The following OSBPL10 variants were observed in gnomAD, a reference collection of about 807,000 sequenced individuals.
OSBPL10 encodes oxysterol-binding protein-related protein 10.
Under a neutral mutation model 81.7 loss-of-function variants are expected in OSBPL10, and 49 were observed. The ratio of observed to expected loss-of-function variants is 0.60; its 90% CI spans 0.48 to 0.76. The LOEUF is 0.76. OSBPL10 is among the 30% of genes least tolerant of loss of function. The pLI is 0.00. For synonymous variants in OSBPL10, 419 were observed against 383.6 expected (o/e 1.09, Z -1.08); for missense variants, 923 against 987.8 (o/e 0.93, Z 0.88).
intron 4 of OSBPL10, among the ~76,000 whole-genome samples, chr3:31,803,689 C>T (rs574931709): frequency 6.6e-6 from 1 of 152,186 alleles, no homozygotes; most frequent in African/African-American, 2.4e-5. Context: ...TTTTCTGGTC[C>T]AAGATCCAAA....
At chr3:31,931,008 C>T (rs1357068549) in intron 1 of OSBPL10, among the ~76,000 whole-genome samples, 3 of 95,198 alleles carry the variant, frequency 3.2e-5, no homozygotes, top group African/African-American at 4.7e-5. Context: ...GAGCAAGACT[C>T]GGTCTCAAAA....
chr3:31,867,350 GA>G (rs199991004), intron 3 of OSBPL10, among the ~76,000 whole-genome samples: 7 of 151,458 alleles, frequency 4.6e-5, no homozygotes, highest in South Asian at 2.1e-4. Context: ...TCCATAGATG[GA>G]AAAAAAAAGT....
chr3:31,733,169 G>C, intron 6 of OSBPL10, 88 bp downstream of exon 6: 1 of 1,536,340 alleles, frequency 6.5e-7, no homozygotes, highest in African/African-American at 1.4e-5. Context: ...TTAAAACAAA[G>C]AGATGAGCAA....
At chr3:31,685,605 G>A (rs532313067) in intron 7 of OSBPL10, among the ~76,000 whole-genome samples, 107 of 152,298 alleles carry the variant, frequency 7.0e-4, no homozygotes, top group African/African-American at 2.4e-3. Context: ...GCTGGGCCAC[G>A]CAGGGAACAC....
intron 2 of OSBPL10, among the ~76,000 whole-genome samples, chr3:32,003,723 C>T (rs1035584888): frequency 6.6e-6 from 1 of 152,044 alleles, no homozygotes; most frequent in African/African-American, 2.4e-5. Flanking sequence ...ACCTGGGCAT[C>T]GGAGGTCATG....
intron 3 of OSBPL10, among the ~76,000 whole-genome samples, chr3:31,845,679 A>G (rs1157552318): frequency 2.0e-5 from 3 of 152,212 alleles, no homozygotes; most frequent in African/African-American, 7.2e-5. Flanking sequence ...GACAGCACAC[A>G]TTATAAAGAG....
At chr3:31,935,278 G>C (rs1222243406) in intron 1 of OSBPL10, among the ~76,000 whole-genome samples, 13 of 152,092 alleles carry the variant, frequency 8.5e-5, no homozygotes, top group Admixed American at 8.5e-4. Flanking sequence ...TTAGATAAGA[G>C]AGACCATTTA....
At chr3:31,947,708 G>A (rs78617584) in intron 1 of OSBPL10, among the ~76,000 whole-genome samples, 9,885 of 152,154 alleles carry the variant, frequency 0.065, 653 homozygotes, top group African/African-American at 0.17. Context: ...CACTCCACAC[G>A]CTGAGCACAG....
At chr3:31,982,359 T>TCA (rs930961088), upstream of OSBPL10, among the ~76,000 whole-genome samples, 12 of 152,004 alleles carry the variant, frequency 7.9e-5, no homozygotes, top group South Asian at 2.1e-4. Context: ...ACTCTCTCTC[T>TCA]CACACACACA....
chr3:31,805,135 GTTTCTT>G (rs1699489641), intron 4 of OSBPL10, among the ~76,000 whole-genome samples: 1 of 152,168 alleles, frequency 6.6e-6, no homozygotes, highest in South Asian at 2.1e-4. Context: ...TGAGTTTGCA[GTTTCTT>G]TAAAAATGAA....
intron 9 of OSBPL10, 122 bp from the exon 10 acceptor site, chr3:31,668,946 G>C (rs62236740): frequency 0.079 from 65,547 of 831,048 alleles, 2,998 homozygotes; most frequent in Non-Finnish European, 0.094. Flanking sequence ...GATTGTTTTT[G>C]CAGCTTTGCT....
At chr3:31,701,501 G>A (rs1262067942) in intron 7 of OSBPL10, among the ~76,000 whole-genome samples, 1 of 152,144 alleles carries the variant, frequency 6.6e-6, no homozygotes, top group African/African-American at 2.4e-5. Flanking sequence ...ACTGGGTTAG[G>A]TCCTCCGCAC....
At chr3:31,913,069 T>G (rs1216457813) in intron 1 of OSBPL10, among the ~76,000 whole-genome samples, 1 of 152,176 alleles carries the variant, frequency 6.6e-6, no homozygotes, top group African/African-American at 2.4e-5. Flanking sequence ...TAATACAATC[T>G]AACTGGAATT....
At position 31,731,862 on chromosome 3, in the gene OSBPL10, G is replaced by A. The variant is rs148741199; in HGVS notation, c.1095+1395C>T. Among the ~76,000 whole-genome samples the A allele has an allele frequency of 5.7e-3, 863 of 152,226 alleles. 4 individuals are homozygous for A. The highest frequency in any genetic ancestry group is 0.019 in the African/African-American group (792 of 41,532). ...TGCTACTGACTGGTGAGGCAAAGTG[G>A]GCAACAACTTTGTGTAAAAAACAAC... is the stretch of plus-strand genomic sequence containing the variant. On this transcript the variant is annotated intron_variant, in intron 6 of 11. Transcript: ENST00000396556.
chr3:31,914,923 C>G (rs1251476695), intron 1 of OSBPL10, among the ~76,000 whole-genome samples: 1 of 152,106 alleles, frequency 6.6e-6, no homozygotes, highest in Non-Finnish European at 1.5e-5. Flanking sequence ...TATAAGCTCC[C>G]TGTGTTTACG....
intron 2 of OSBPL10, among the ~76,000 whole-genome samples, chr3:32,010,480 C>A (rs1381359808): frequency 6.6e-6 from 1 of 152,152 alleles, no homozygotes; most frequent in African/African-American, 2.4e-5. Context: ...GATGGCCGAA[C>A]AGGAACAGCT....
At chr3:31,706,416 C>A (rs188682860) in intron 6 of OSBPL10, among the ~76,000 whole-genome samples, 19 of 152,280 alleles carry the variant, frequency 1.2e-4, no homozygotes, top group African/African-American at 4.1e-4. Flanking sequence ...GACCTCCAGC[C>A]TCTTGAGGAC....
chr3:31,666,700 T>C (rs1327486504), intron 10 of OSBPL10, among the ~76,000 whole-genome samples: 1 of 152,206 alleles, frequency 6.6e-6, no homozygotes, highest in East Asian at 1.9e-4. Flanking sequence ...ACCAAACCTA[T>C]ATATACTATG....
chr3:31,886,719 A>G (rs1038551453), intron 1 of OSBPL10, among the ~76,000 whole-genome samples: 1 of 152,156 alleles, frequency 6.6e-6, no homozygotes, highest in African/African-American at 2.4e-5. Context: ...AGGCGGGCGG[A>G]TCACGAGGTC....
Sources: allele counts gnomAD v4.1 joint callset (sites outside exome capture counted in the v4.1 genomes callset), GRCh38; gene constraint gnomAD v4.1.1; transcripts MANE v1.5; gene names NCBI Gene and HGNC (gene_info 2026-07-23, HGNC 2026-07-21).